The following TCF25 variants were observed in gnomAD, a reference collection of about 807,000 sequenced individuals.
TCF25 encodes the protein ribosome quality control complex subunit TCF25.
A neutral mutation model predicts 83.1 loss-of-function variants in TCF25; 41 were observed. The ratio of observed to expected loss-of-function variants is 0.49; its 90% CI spans 0.38 to 0.64. The LOEUF (loss-of-function observed/expected upper bound fraction) is 0.64. Ranked by LOEUF, TCF25 falls within the 30% of genes least tolerant of loss-of-function variation. The pLI is 0.00. For missense variants in TCF25, 979 were observed against 914.5 expected (o/e 1.07, Z -0.91); for synonymous variants, 458 against 365.0 (o/e 1.25, Z -2.90).
intron 16 of TCF25, 124 bp from the exon 17 acceptor site, chr16:89,910,467 T>C: frequency 2.2e-6 from 2 of 918,630 alleles, no homozygotes; most frequent in Non-Finnish European, 3.4e-6. Context: ...GCTGCTGCTC[T>C]GCCCCCTGGC....
intron 9 of TCF25, among the ~76,000 whole-genome samples, chr16:89,897,615 A>G (rs1020652420): frequency 6.6e-6 from 1 of 152,254 alleles, no homozygotes; most frequent in Non-Finnish European, 1.5e-5. Flanking sequence ...AGTAGATTAT[A>G]AAATATTAAT....
chr16:89,889,432 C>A, intron 5 of TCF25: 1 of 244,296 alleles, frequency 4.1e-6, no homozygotes, highest in South Asian at 4.3e-5. Context: ...CTCCCTCTAC[C>A]TCCTAAAGTG....
At position 89,898,863 on chromosome 16, in the gene TCF25, G is replaced by C; in HGVS notation, c.1212G>C (p.Gln404His). ...ACGAGTACCTGATCCGCCTCTTCCA[G>C]GAGTGGGAGGTGGGTGCGAGCCTGG... ...RNYEYLIRLFQEWEAHRNLSQ... is the reference protein window; with the variant it reads ...RNYEYLIRLFHEWEAHRNLSQ... The change falls in exon 11 of 18, where the codon CAG (glutamine) becomes CAC (histidine). Residue 404 changes from glutamine to histidine, a missense_variant. Coordinates refer to ENST00000263346, the MANE Select transcript of TCF25 (RefSeq NM_014972.3). 3 of 1,613,808 alleles carry C rather than the reference G, an allele frequency of 1.9e-6. No individual in the cohort carries two copies.
chr16:89,894,877 T>A, intron 7 of TCF25, 161 bp from the exon 8 acceptor site: 1 of 540,160 alleles, frequency 1.9e-6, no homozygotes, highest in Non-Finnish European at 3.3e-6. Flanking sequence ...ACTCCTGATA[T>A]CAAGTGATCC....
intron 9 of TCF25, among the ~76,000 whole-genome samples, chr16:89,898,216 CTG>C (rs1455315611): frequency 6.6e-6 from 1 of 152,266 alleles, no homozygotes; most frequent in Non-Finnish European, 1.5e-5. Flanking sequence ...ACATGGATCT[CTG>C]TGTGCTGGGC....
Position 89,898,786 on chromosome 16 carries a change from C to G in TCF25, c.1135C>G (p.Pro379Ala), listed in dbSNP as rs780513883. 1 of 1,613,920 alleles carries G rather than the reference C, an allele frequency of 6.2e-7. No homozygotes were observed. Among genetic ancestry groups the G allele is most frequent in the South Asian group, 1.1e-5 (1 of 91,084 alleles). ...LILSLEPDED[P>A]LCMLLLIDHL... The stretch of plus-strand genomic sequence containing the variant: ...CGGAAGTCTCGAGCCGGATGAGGAC[C>G]CCCTCTGCATGCTGCTGCTCATCGA... Residue 379 changes from proline to alanine, a missense_variant, in exon 11 of 18, where the codon CCC becomes GCC. Coordinates refer to ENST00000263346, the MANE Select transcript of TCF25 (RefSeq NM_014972.3).
rs766899076 is a variant in TCF25 at position 89,910,634 on chromosome 16, C to T, written c.1843C>T (p.Arg615Trp). 14 of 1,613,548 alleles carry T rather than the reference C, an allele frequency of 8.7e-6. No homozygotes were observed. The highest frequency in any genetic ancestry group is 4.5e-5 in the East Asian group (2 of 44,908). The change falls in exon 17 of 18, where the codon CGG (arginine) becomes TGG (tryptophan). Residue 615 changes from arginine to tryptophan, a missense_variant. Coordinates refer to ENST00000263346, the MANE Select transcript of TCF25 (RefSeq NM_014972.3). The part of the protein sequence containing the change: ...SHGNTIALFF[R>W]SLLPNYTMEG... The stretch of plus-strand genomic sequence containing the variant: ...TGGAAACACCATTGCTCTCTTCTTC[C>T]GGTCACTGTTGCCAAACTATACCAT...
chr16:89,889,046 G>A (rs1350268667), intron 5 of TCF25, among the ~76,000 whole-genome samples: 1 of 151,842 alleles, frequency 6.6e-6, no homozygotes, highest in Admixed American at 6.6e-5. Flanking sequence ...CCCCAGATGA[G>A]GATGGCTGGC....
At chr16:89,909,247 C>CA (rs1258676295) in intron 16 of TCF25, 3 of 929,502 alleles carry the variant, frequency 3.2e-6, no homozygotes, top group Non-Finnish European at 4.3e-6. Context: ...TGCAGTGACT[C>CA]ACGCCTGTAA....
chr16:89,881,395 A>C (rs916637757), intron 1 of TCF25, among the ~76,000 whole-genome samples: 1 of 152,180 alleles, frequency 6.6e-6, no homozygotes, highest in Non-Finnish European at 1.5e-5. Flanking sequence ...GATTGGATCC[A>C]TCAGAATCTC....
intron 5 of TCF25, among the ~76,000 whole-genome samples, chr16:89,888,764 C>T (rs1472160460): frequency 6.6e-6 from 1 of 150,606 alleles, no homozygotes; most frequent in African/African-American, 2.4e-5. Context: ...GCAACCTCCG[C>T]CTCCTGGGTT....
chr16:89,898,149 A>G (rs1235694449), intron 9 of TCF25, among the ~76,000 whole-genome samples: 1 of 152,186 alleles, frequency 6.6e-6, no homozygotes. Flanking sequence ...GATTTTCAGT[A>G]TGCAAATTCG....
rs558123055 is a variant in TCF25, at chr16:89,900,472, G to T, written c.1222-163G>T. ...CATGCGGAAAGCCCCCCAGGTGGACGTTTTAAGTTATCTTTATGCTGAGTT... is the reference window on the plus strand; with the variant it reads ...CATGCGGAAAGCCCCCCAGGTGGACTTTTTAAGTTATCTTTATGCTGAGTT... On this transcript the variant is annotated intron_variant, in intron 11 of 17. Transcript: ENST00000263346. Among the ~76,000 whole-genome samples the T allele has an allele frequency of 8.0e-4, 121 of 152,170 alleles. 3 individuals carry two copies. Among genetic ancestry groups the T allele is most frequent in the Non-Finnish European group, 2.5e-4 (17 of 68,028 alleles).
chr16:89,876,845 C>T (rs1000970195), intron 1 of TCF25, among the ~76,000 whole-genome samples: 6 of 149,100 alleles, frequency 4.0e-5, no homozygotes, highest in East Asian at 2.0e-4. Flanking sequence ...AGGAGAATGG[C>T]GTGAACCCAG....
At chr16:89,910,331 C>G in intron 16 of TCF25, 2 of 547,434 alleles carry the variant, frequency 3.7e-6, no homozygotes, top group Non-Finnish European at 6.5e-6. Flanking sequence ...GAGCCTCGCT[C>G]CGGACGCCAC....
chr16:89,902,965 C>G (rs574716658), intron 12 of TCF25, among the ~76,000 whole-genome samples: 2 of 152,334 alleles, frequency 1.3e-5, no homozygotes, highest in Admixed American at 1.3e-4. Flanking sequence ...CAGGCAGAAA[C>G]GTGCCCCCCA....
chr16:89,884,623 G>C lies in TCF25; in HGVS notation c.396G>C (p.Gln132His). The change falls in exon 3 of 18, where the codon CAG (glutamine) becomes CAC (histidine). Residue 132 changes from glutamine (Q) to histidine (H), a missense_variant. Coordinates refer to ENST00000263346, the MANE Select transcript of TCF25 (RefSeq NM_014972.3). ...AACTCCGGAAGAAGAAAAAAAAACA[G>C]AAAAACAAGAAAAGCAGCACGGGAG... ...SGKLRKKKKK[Q>H]KNKKSSTGEA... 1.9e-6 allele frequency: 3 copies of C among 1,613,494 alleles called. No homozygotes were observed. The highest frequency in any genetic ancestry group is 2.5e-6 in the Non-Finnish European group (3 of 1,179,634).
At chr16:89,878,634 A>G in intron 1 of TCF25, 1 of 1,110,214 alleles carries the variant, frequency 9.0e-7, no homozygotes, top group Non-Finnish European at 1.1e-6. Flanking sequence ...TTGGGTAGGT[A>G]ATAAGGTGTT....
At chr16:89,908,882 G>A in intron 16 of TCF25, 1 of 1,247,288 alleles carries the variant, frequency 8.0e-7, no homozygotes, top group South Asian at 1.3e-5. Flanking sequence ...TCAGGGCTTT[G>A]GGGCTCACAG....
Sources: allele counts gnomAD v4.1 joint callset (sites outside exome capture counted in the v4.1 genomes callset), GRCh38; gene constraint gnomAD v4.1.1; transcripts MANE v1.5; gene names NCBI Gene and HGNC (gene_info 2026-07-23, HGNC 2026-07-21).